The following ALDH16A1 variants were observed in gnomAD, a reference collection of about 807,000 sequenced individuals.
ALDH16A1 encodes the protein aldehyde dehydrogenase family 16 member A1.
A neutral mutation model predicts 96.1 loss-of-function variants in ALDH16A1; 88 were observed. That is an observed-to-expected ratio of 0.92 (90% CI 0.77 to 1.09). The LOEUF is 1.09. ALDH16A1 is among the 50% of genes least tolerant of loss of function. The probability of loss-of-function intolerance (pLI) is 0.00; values close to 1 mark genes in which losing one functional copy is unlikely to be tolerated. For missense variants in ALDH16A1, 1,250 were observed against 1,112.6 expected, an observed-to-expected ratio of 1.12 and a Z score of -1.76; for synonymous variants, 522 against 496.4, an observed-to-expected ratio of 1.05 and a Z score of -0.69.
chr19:49,461,753 G>A lies in ALDH16A1; in HGVS notation c.712G>A (p.Ala238Thr), dbSNP rs760912898. The A allele has an allele frequency of 1.9e-6, 3 of 1,610,620 alleles. No homozygotes were observed. Among genetic ancestry groups the A allele is most frequent in the South Asian group, 1.1e-5 (1 of 90,560 alleles). Residue 238 changes from alanine (A) to threonine (T), a missense_variant, in exon 6 of 17, where the codon GCC becomes ACC. By Grantham distance (58) the Ala-to-Thr change is moderately conservative (BLOSUM62 0). Coordinates refer to ENST00000293350, the MANE Select transcript of ALDH16A1 (RefSeq NM_153329.4). ...CCCTGCGTCCCTGGTGCCCATCCTG[G>A]CCTCCCAGCCTGGAATCCGGAAGGT... ...SGPASLVPIL[A>T]SQPGIRKVAF...
rs1437273624 is a variant in ALDH16A1, at chr19:49,468,176, A to G, written c.1939-205A>G. 5.7e-6 allele frequency: 3 copies of G among 529,984 alleles called. No individual in the cohort carries two copies. Among genetic ancestry groups the G allele is most frequent in the Non-Finnish European group, 9.9e-6 (3 of 302,912 alleles). The allele number at this position is 529,984 out of a possible 1,614,324, so 32.8% of individuals were successfully genotyped here. A position where few individuals can be genotyped will look rare whatever the true frequency, so the allele number is the denominator to read the frequency against. On this transcript the variant is annotated intron_variant, in intron 14 of 16. Transcript: ENST00000293350. This position sits in a 1 kb window ranked among gnomAD's most constrained non-coding sequence, Gnocchi z 4.4. ...GTCCGTCTCAAAAAAAAAAAAAAAGAAAGGCGGTTATGCAGGATGTTTCTC... is the reference window on the plus strand; with the variant it reads ...GTCCGTCTCAAAAAAAAAAAAAAAGGAAGGCGGTTATGCAGGATGTTTCTC...
intron 1 of ALDH16A1, 45 bp from the exon 2 acceptor site, chr19:49,458,441 C>T: frequency 6.7e-7 from 1 of 1,495,756 alleles, no homozygotes; most frequent in African/African-American, 1.4e-5. Flanking sequence ...TGAACTGCCC[C>T]AGCTCCTCCC....
At chr19:49,460,749 C>A in intron 4 of ALDH16A1, 73 bp from the exon 5 acceptor site, 15 of 1,084,692 alleles carry the variant, frequency 1.4e-5, no homozygotes, top group Non-Finnish European at 1.8e-5. Context: ...GCCATGGGGT[C>A]TTGCCATGTG....
Position 49,461,928 on chromosome 19 carries a change from G to C in ALDH16A1, c.804G>C (p.Glu268Asp), listed in dbSNP as rs7259917. 10 of 1,576,366 alleles carry C rather than the reference G, an allele frequency of 6.3e-6. No homozygotes were observed. Among genetic ancestry groups the C allele is most frequent in the Admixed American group, 1.8e-5 (1 of 54,952 alleles). Reference protein sequence around the residue: ...LRRSLAGECAELGLALGTESL... With the variant: ...LRRSLAGECADLGLALGTESL... ...GGAGCCTGGCGGGAGAGTGTGCGGA[G>C]CTGGGCCTGGCGCTGGGGACGGAGT... Residue 268 changes from glutamate (E) to aspartate (D), a missense_variant, in exon 7 of 17, where the codon GAG (glutamate) becomes GAC (aspartate). Glu to Asp is a conservative substitution (Grantham distance 45). Transcript: ENST00000293350.
rs759122785 is a variant in ALDH16A1 at position 49,461,639 on chromosome 19, G to C, written c.598G>C (p.Val200Leu). ...LAVGCTVVAL[V>L]PPASPAPLLL... is the part of the protein sequence containing the mutation. ...CCCAGGCTGCACCGTGGTGGCCCTC[G>C]TGCCCCCGGCCTCCCCGGCGCCCCT... The change falls in exon 6 of 17, where the codon GTG becomes CTG. Residue 200 changes from valine (V) to leucine (L), a missense_variant. Physicochemically the swap from Val to Leu is conservative, Grantham distance 32. Transcript: ENST00000293350. The C allele has an allele frequency of 4.4e-6, 7 of 1,596,564 alleles. No individual in the cohort carries two copies. In the South Asian group the frequency reaches 7.9e-5, roughly 18 times the overall value.
chr19:49,464,317 C>T, intron 10 of ALDH16A1, 54 bp downstream of exon 10: 2 of 1,588,452 alleles, frequency 1.3e-6, no homozygotes, highest in African/African-American at 1.3e-5. Context: ...CCATCTTCAT[C>T]TCCCTTCTCC....
intron 2 of ALDH16A1, among the ~76,000 whole-genome samples, 173 bp downstream of exon 2, chr19:49,458,761 G>A (rs550615712): frequency 2.6e-5 from 4 of 152,310 alleles, no homozygotes; most frequent in South Asian, 2.1e-4. Context: ...TTATGGTTCC[G>A]GGTCTCTGTG....
Position 49,470,689 on chromosome 19 carries a change from C to A in ALDH16A1, c.*222C>A. 1 of 433,994 alleles carries A rather than the reference C, an allele frequency of 2.3e-6. No homozygotes were observed. Among genetic ancestry groups the A allele is most frequent in the Non-Finnish European group, 3.9e-6 (1 of 257,924 alleles). 26.9% of individuals were successfully genotyped at this position (433,994 alleles called of 1,614,324 possible). A position where few individuals can be genotyped will look rare whatever the true frequency, so the allele number is the denominator to read the frequency against. Reference sequence around the variant, plus strand: ...TTTGAGACAACGTCTGGCTCTGTCACCCAGGCTGGAGCGCAGTGGCACAAT... The same window carrying A: ...TTTGAGACAACGTCTGGCTCTGTCAACCAGGCTGGAGCGCAGTGGCACAAT... On this transcript the variant is annotated 3_prime_UTR_variant, in exon 17 of 17. Transcript: ENST00000293350.
intron 1 of ALDH16A1, among the ~76,000 whole-genome samples, chr19:49,454,031 G>GGTTTTTT (rs1555798667): frequency 2.2e-5 from 3 of 135,182 alleles, no homozygotes; most frequent in African/African-American, 5.5e-5. Context: ...TTTTTTTTTT[G>GGTTTTTT]TTTTTTTTTT....
At chr19:49,453,471 C>CG (rs1380091195) in intron 1 of ALDH16A1, 50 bp downstream of exon 1, 11 of 1,470,056 alleles carry the variant, frequency 7.5e-6, no homozygotes, top group Non-Finnish European at 1.8e-6. Context: ...CAGGCCTGGG[C>CG]GCCCGGTTTT....
intron 1 of ALDH16A1, among the ~76,000 whole-genome samples, chr19:49,456,943 A>G (rs966780282): frequency 3.3e-5 from 5 of 151,854 alleles, no homozygotes; most frequent in African/African-American, 1.2e-4. Context: ...ACCCATCTCT[A>G]CTAGAAATAT....
At chr19:49,466,727 G>C (rs142097907) in intron 14 of ALDH16A1, among the ~76,000 whole-genome samples, 4,543 of 151,472 alleles carry the variant, frequency 0.03, 237 homozygotes, top group African/African-American at 0.1. Flanking sequence ...GGGTACGGTG[G>C]TGGGCACCTA....
intron 7 of ALDH16A1, among the ~76,000 whole-genome samples, chr19:49,462,280 G>GCTT: frequency 6.6e-6 from 1 of 151,996 alleles, no homozygotes; most frequent in South Asian, 2.1e-4. Flanking sequence ...GATTACAGGC[G>GCTT]GGCACCACCA....
Position 49,465,868 on chromosome 19 carries a change from C to G in ALDH16A1, c.1699C>G (p.Arg567Gly), listed in dbSNP as rs777019923. 2.5e-6 allele frequency: 4 copies of G among 1,614,086 alleles called. No individual in the cohort carries two copies. The highest frequency in any genetic ancestry group is 1.1e-5 in the South Asian group (1 of 91,078). Residue 567 changes from arginine to glycine, a missense_variant, in exon 13 of 17, where the codon CGA becomes GGA. Transcript: ENST00000293350. The stretch of plus-strand genomic sequence containing the variant: ...GGCTGAGGGTGGAGCCAAGGACATC[C>G]GAGGTGCTGTGGAGGCCGCTCACCA... The part of the protein sequence containing the change: ...YVAEGGAKDI[R>G]GAVEAAHQAF...
chr19:49,461,704 G>C lies in ALDH16A1; in HGVS notation c.663G>C (p.Pro221=). ...TGGCGGGGGAGCTGGGCCCCTTCCCGGGAATCCTGAATGTCCTCAGTGGCC... is the reference window on the plus strand; with the variant it reads ...TGGCGGGGGAGCTGGGCCCCTTCCCCGGAATCCTGAATGTCCTCAGTGGCC... ...AQLAGELGPF[P]GILNVLSGPA... is the part of the protein sequence containing the mutation. Residue 221 remains proline (P), a synonymous_variant, in exon 6 of 17, where the codon CCG becomes CCC. Coordinates refer to ENST00000293350, the MANE Select transcript of ALDH16A1 (RefSeq NM_153329.4). The C allele has an allele frequency of 6.2e-7, 1 of 1,609,354 alleles. No homozygotes were observed. The highest frequency in any genetic ancestry group is 1.1e-5 in the South Asian group (1 of 90,452).
At position 49,453,636 on chromosome 19, in the gene ALDH16A1, G is replaced by T. The variant is rs1304213217; in HGVS notation, c.90+215G>T. ...TAGTCTGTTCCGGTCTTCCCCACTG[G>T]TTCTCTTGCCCCTTGATCCTGAACT... On this transcript the variant is annotated intron_variant, in intron 1 of 16. Coordinates refer to ENST00000293350, the MANE Select transcript of ALDH16A1 (RefSeq NM_153329.4). 1.4e-5 allele frequency: 7 copies of T among 506,338 alleles called. No individual in the cohort carries two copies. In the East Asian group the frequency reaches 1.8e-4, roughly 13 times the overall value. The allele number at this position is 506,338 out of a possible 1,614,324, so 31.4% of individuals were successfully genotyped here.
At chr19:49,469,369 C>T (rs988616341) in intron 16 of ALDH16A1, 4 of 159,556 alleles carry the variant, frequency 2.5e-5, no homozygotes, top group African/African-American at 9.6e-5. Context: ...CCCACCTCAG[C>T]TTCCTGAGTA....
rs201635898 is a variant in ALDH16A1 at position 49,461,868 on chromosome 19, T to TG, written c.760-8dup. 8.0e-4 allele frequency: 1,272 copies of TG among 1,590,830 alleles called. 2 individuals carry two copies. Among genetic ancestry groups the TG allele is most frequent in the East Asian group, 1.5e-3 (65 of 43,706 alleles). Reference sequence around the variant, plus strand: ...CGCAAGGCTCCTCCTGCGGCTGAACTGGGGGGGGTCCCTAGGAAGGGCGTG... The same window carrying TG: ...CGCAAGGCTCCTCCTGCGGCTGAACTGGGGGGGGGTCCCTAGGAAGGGCGTG... On this transcript the variant is annotated splice_polypyrimidine_tract_variant and intron_variant, in intron 6 of 16. Transcript: ENST00000293350.
At chr19:49,462,150 G>A (rs2079155283) in intron 7 of ALDH16A1, 114 bp downstream of exon 7, 30 of 1,374,160 alleles carry the variant, frequency 2.2e-5, no homozygotes, top group Middle Eastern at 5.2e-4. Flanking sequence ...TATTTATTTT[G>A]AGACGGAGTT....
Sources: allele counts gnomAD v4.1 joint callset (sites outside exome capture counted in the v4.1 genomes callset), GRCh38; gene constraint gnomAD v4.1.1; non-coding constraint Gnocchi (gnomAD v3.1); transcripts MANE v1.5; gene names NCBI Gene and HGNC (gene_info 2026-07-23, HGNC 2026-07-21).